The following OLFM3 variants were observed in gnomAD, a reference collection of about 807,000 sequenced individuals.
OLFM3 encodes the protein olfactomedin 3.
In OLFM3, 20 loss-of-function variants were observed where a neutral mutation model predicts 48.6. The observed-to-expected ratio is 0.41, with a 90% CI of 0.29 to 0.60. OLFM3 has a LOEUF of 0.60. Ranked by LOEUF, OLFM3 falls within the 20% of genes least tolerant of loss-of-function variation. The pLI is 0.28. For synonymous variants in OLFM3, 222 were observed against 198.1 expected (o/e 1.12, Z -1.01); for missense variants, 437 against 544.3 (o/e 0.80, Z 1.96).
At chr1:101,891,965 G>C (rs74107981) in intron 1 of OLFM3, among the ~76,000 whole-genome samples, 1 of 151,932 alleles carries the variant, frequency 6.6e-6, no homozygotes, top group Non-Finnish European at 1.5e-5. Context: ...TCTTAAATTC[G>C]TCTTTAGGTA....
intron 4 of OLFM3, 71 bp from the exon 5 acceptor site, chr1:101,806,253 G>C (rs568464199): frequency 2.0e-4 from 225 of 1,114,690 alleles, no homozygotes; most frequent in Non-Finnish European, 2.7e-4. Context: ...CTCACACTAA[G>C]AGCAAAGAAG....
At chr1:101,968,541 A>AAG (rs1553184177) in intron 1 of OLFM3, among the ~76,000 whole-genome samples, 1 of 143,256 alleles carries the variant, frequency 7.0e-6, no homozygotes. Context: ...CTGAAAAAAA[A>AAG]AAAAAAAAAA....
chr1:101,827,447 G>A (rs1013259403), intron 3 of OLFM3, among the ~76,000 whole-genome samples: 1 of 152,026 alleles, frequency 6.6e-6, no homozygotes, highest in Non-Finnish European at 1.5e-5. Context: ...AGCCTCTCGA[G>A]TGGCTGGGAC....
chr1:101,972,251 G>A (rs1335470026), intron 1 of OLFM3, among the ~76,000 whole-genome samples: 1 of 152,142 alleles, frequency 6.6e-6, no homozygotes, highest in East Asian at 1.9e-4. Flanking sequence ...GATATTTCCA[G>A]AAGGATATTA....
chr1:101,933,106 G>C (rs929809802), intron 1 of OLFM3, among the ~76,000 whole-genome samples: 2 of 148,396 alleles, frequency 1.3e-5, no homozygotes, highest in Non-Finnish European at 3.0e-5. Context: ...GGAGGCTGAG[G>C]CAGGAGAATG....
At chr1:101,900,900 C>T (rs914854123) in intron 1 of OLFM3, among the ~76,000 whole-genome samples, 8 of 151,972 alleles carry the variant, frequency 5.3e-5, no homozygotes, top group Non-Finnish European at 1.0e-4. Flanking sequence ...CTTTCAGAAG[C>T]GGGTGCCTAT....
chr1:101,933,376 CT>C (rs1338025086), intron 1 of OLFM3, among the ~76,000 whole-genome samples: 1 of 151,828 alleles, frequency 6.6e-6, no homozygotes, highest in Non-Finnish European at 1.5e-5. Context: ...AGCTCAAAAA[CT>C]GGTTCTCTAA....
chr1:101,840,143 GAA>G (rs1655641849), intron 1 of OLFM3, among the ~76,000 whole-genome samples: 1 of 152,142 alleles, frequency 6.6e-6, no homozygotes, highest in Admixed American at 6.5e-5. Context: ...GACGTATTTA[GAA>G]GTTTTTTGGA....
chr1:101,974,867 G>T (rs1326681702), intron 1 of OLFM3, among the ~76,000 whole-genome samples: 1 of 152,160 alleles, frequency 6.6e-6, no homozygotes, highest in East Asian at 1.9e-4. Context: ...CTAGAAAAAG[G>T]TGCAGGTTAA....
intron 1 of OLFM3, among the ~76,000 whole-genome samples, chr1:101,993,554 A>T (rs1020067045): frequency 2.6e-5 from 4 of 152,168 alleles, no homozygotes; most frequent in Admixed American, 6.5e-5. Context: ...AATGAAATTA[A>T]TTGACATCTC....
At chr1:101,836,609 T>C (rs2100923081) in intron 2 of OLFM3, among the ~76,000 whole-genome samples, 1 of 144,034 alleles carries the variant, frequency 6.9e-6, no homozygotes, top group South Asian at 2.3e-4. Context: ...TTTTTTTCCT[T>C]AATGAGATAT....
intron 1 of OLFM3, among the ~76,000 whole-genome samples, chr1:101,917,326 A>G (rs1173418199): frequency 6.6e-6 from 1 of 152,228 alleles, no homozygotes; most frequent in Non-Finnish European, 1.5e-5. Context: ...CTGTTTTCAG[A>G]AAACACTATT....
chr1:101,944,589 G>T (rs189271724), intron 1 of OLFM3, among the ~76,000 whole-genome samples: 123 of 152,122 alleles, frequency 8.1e-4, no homozygotes, highest in Non-Finnish European at 1.5e-3. Context: ...GCCATTAATA[G>T]TACCTGGACG....
At chr1:101,811,232 G>A (rs1654032512) in intron 4 of OLFM3, among the ~76,000 whole-genome samples, 1 of 152,036 alleles carries the variant, frequency 6.6e-6, no homozygotes, top group African/African-American at 2.4e-5. Context: ...AACACAATCT[G>A]TAAAAATTTA....
At chr1:101,954,944 C>T (rs187109895) in intron 1 of OLFM3, among the ~76,000 whole-genome samples, 1 of 151,952 alleles carries the variant, frequency 6.6e-6, no homozygotes, top group Non-Finnish European at 1.5e-5. Flanking sequence ...TATGTGTAAC[C>T]TTTCTGCACA....
Position 101,947,626 on chromosome 1 carries a change from AATAAAG to A in OLFM3, c.69+49116_69+49121del, listed in dbSNP as rs927275220. Among the ~76,000 whole-genome samples, 3 of 152,294 alleles carry A rather than the reference AATAAAG, an allele frequency of 2.0e-5. No individual in the cohort carries two copies. The East Asian group carries it at 5.8e-4, about 29-fold the overall frequency. ...TTTTCTTAAAAAATATTTTTCTAAA[AATAAAG>A]ATAAAGTGTAGTATAGAATTAAGTT... On this transcript the variant is annotated intron_variant, in intron 1 of 5. Transcript: ENST00000370103.
chr1:101,951,691 C>T (rs1382920733), intron 1 of OLFM3, among the ~76,000 whole-genome samples: 1 of 152,112 alleles, frequency 6.6e-6, no homozygotes, highest in Non-Finnish European at 1.5e-5. Flanking sequence ...AGCAAACATG[C>T]ACTATTCTTG....
chr1:101,892,576 C>T (rs557045452), intron 1 of OLFM3, among the ~76,000 whole-genome samples: 2 of 152,122 alleles, frequency 1.3e-5, no homozygotes, highest in East Asian at 1.9e-4. Flanking sequence ...CCTCCTTCCT[C>T]CTCTCCCATT....
intron 1 of OLFM3, among the ~76,000 whole-genome samples, chr1:101,943,397 G>T (rs1256579149): frequency 6.6e-6 from 1 of 152,164 alleles, no homozygotes; most frequent in Admixed American, 6.5e-5. Context: ...ACAGTTATTT[G>T]CAATAAATAT....
Sources: allele counts gnomAD v4.1 joint callset (sites outside exome capture counted in the v4.1 genomes callset), GRCh38; gene constraint gnomAD v4.1.1; transcripts MANE v1.5; gene names NCBI Gene and HGNC (gene_info 2026-07-23, HGNC 2026-07-21).